The following PTN variants were observed in gnomAD, a reference collection of about 807,000 sequenced individuals.
The protein encoded by PTN is heparin affin regulatory protein.
PTN carries 18 observed loss-of-function variants against 24.1 expected under a neutral mutation model. That is an observed-to-expected ratio of 0.75 (90% CI 0.52 to 1.11). The LOEUF (loss-of-function observed/expected upper bound fraction) is 1.11, where lower values mean the gene tolerates loss of function less well. Among genes scored for constraint, PTN ranks in the 50% least tolerant of loss-of-function variants. The pLI is 0.00. For missense variants in PTN, 163 were observed against 198.8 expected (o/e 0.82, Z 1.08); for synonymous variants, 78 against 68.6 (o/e 1.14, Z -0.67).
At chr7:137,254,354 T>C (rs139251261) in intron 2 of PTN, among the ~76,000 whole-genome samples, 205 of 152,192 alleles carry the variant, frequency 1.3e-3, no homozygotes, top group African/African-American at 4.8e-3. Flanking sequence ...TAAGTTGTTG[T>C]TCCTTTCTCT....
chr7:137,293,109 A>G (rs368652308), intron 1 of PTN, among the ~76,000 whole-genome samples: 2 of 152,280 alleles, frequency 1.3e-5, no homozygotes, highest in East Asian at 3.9e-4. Flanking sequence ...GTAATAAGCC[A>G]CAAGGCTTTC....
intron 4 of PTN, among the ~76,000 whole-genome samples, chr7:137,247,560 A>T (rs1222366778): frequency 1.3e-5 from 2 of 152,168 alleles, no homozygotes; most frequent in East Asian, 1.9e-4. Flanking sequence ...GTACAAAAAA[A>T]TAGAAAGAAT....
chr7:137,228,829 A>G (rs1481462286), intron 4 of PTN, among the ~76,000 whole-genome samples: 4 of 151,840 alleles, frequency 2.6e-5, no homozygotes, highest in African/African-American at 9.7e-5. Context: ...GAACACATCT[A>G]ATTTGGCTCC....
chr7:137,272,737 T>C (rs999101570), intron 1 of PTN, among the ~76,000 whole-genome samples: 1 of 152,152 alleles, frequency 6.6e-6, no homozygotes, highest in African/African-American at 2.4e-5. Context: ...AAACTAGAAA[T>C]AAAATAATGT....
chr7:137,237,099 C>G (rs1339114671), intron 4 of PTN, among the ~76,000 whole-genome samples: 1 of 152,146 alleles, frequency 6.6e-6, no homozygotes, highest in African/African-American at 2.4e-5. Context: ...TCATACTGAA[C>G]TCCTAACCCT....
At chr7:137,231,334 G>T (rs546332408) in intron 4 of PTN, among the ~76,000 whole-genome samples, 1 of 151,156 alleles carries the variant, frequency 6.6e-6, no homozygotes, top group South Asian at 2.1e-4. Flanking sequence ...TTTCCTCTTG[G>T]CCTGAGTGTT....
Position 137,254,956 on chromosome 7 carries a change from G to A in PTN, c.18C>T (p.Tyr6=), listed in dbSNP as rs1234922476. 4 of 1,559,084 alleles carry A rather than the reference G, an allele frequency of 2.6e-6. No homozygotes were observed. The highest frequency in any genetic ancestry group is 3.4e-4 in the Middle Eastern group (2 of 5,810). Residue 6 remains tyrosine (Y), a synonymous_variant, in exon 2 of 5, where the codon TAC becomes TAT. Coordinates refer to ENST00000348225, the MANE Select transcript of PTN (RefSeq NM_002825.7). Reference sequence around the variant, plus strand: ...CTGCAAATTTTCGACGCTGCTGCTGGTACTGTTGAGCCTGCATTCTAGGAA... The same window carrying A: ...CTGCAAATTTTCGACGCTGCTGCTGATACTGTTGAGCCTGCATTCTAGGAA... MQAQQ[Y]QQQRRKFAAA...
intron 1 of PTN, among the ~76,000 whole-genome samples, chr7:137,301,887 T>C (rs1324359932): frequency 1.3e-5 from 2 of 151,990 alleles, no homozygotes; most frequent in Admixed American, 1.3e-4. Context: ...CGAACCTCTT[T>C]ACTCTTGTGT....
chr7:137,278,713 G>T (rs1563209915), intron 1 of PTN, among the ~76,000 whole-genome samples: 1 of 152,108 alleles, frequency 6.6e-6, no homozygotes, highest in South Asian at 2.1e-4. Flanking sequence ...GGCCAAAGCA[G>T]GTGGATCACT....
chr7:137,250,519 T>G (rs1585012284), intron 4 of PTN, among the ~76,000 whole-genome samples: 1 of 152,330 alleles, frequency 6.6e-6, no homozygotes, highest in African/African-American at 2.4e-5. Flanking sequence ...GGGTTAAAAC[T>G]TCAGCATATG....
At chr7:137,286,292 G>C (rs17169038) in intron 1 of PTN, among the ~76,000 whole-genome samples, 11,555 of 152,182 alleles carry the variant, frequency 0.076, 1,051 homozygotes, top group African/African-American at 0.22. Context: ...TACAAGGTTT[G>C]ATAGTTGGAA....
intron 1 of PTN, among the ~76,000 whole-genome samples, chr7:137,267,961 G>A (rs886191012): frequency 6.6e-6 from 1 of 151,072 alleles, no homozygotes; most frequent in African/African-American, 2.5e-5. Flanking sequence ...ATCCTGTCAA[G>A]CAATTCAAAC....
chr7:137,244,243 T>G (rs1330196004), intron 4 of PTN, among the ~76,000 whole-genome samples: 1 of 152,182 alleles, frequency 6.6e-6, no homozygotes. Context: ...AGAGTAATAC[T>G]GCCTCCATCT....
chr7:137,252,235 G>A (rs1352599680), intron 3 of PTN, among the ~76,000 whole-genome samples: 1 of 151,860 alleles, frequency 6.6e-6, no homozygotes, highest in Non-Finnish European at 1.5e-5. Context: ...TTTGATAGAT[G>A]TAGAGTGATA....
rs71176391 is a variant in PTN at position 137,278,306 on chromosome 7, CAAAAAAAAAAAAAAAA to C, written c.-1-23348_-1-23333del. ...TGGGCGACAGAGCGAGACTCCGTCT[CAAAAAAAAAAAAAAAA>C]AAAAAAAAAAAAAAAATGACTACTA... On this transcript the variant is annotated intron_variant, in intron 1 of 4. Transcript: ENST00000348225. Among the ~76,000 whole-genome samples, 496 of 62,870 alleles carry C rather than the reference CAAAAAAAAAAAAAAAA, an allele frequency of 7.9e-3. 6 individuals are homozygous for C. Among genetic ancestry groups the C allele is most frequent in the African/African-American group, 0.032 (463 of 14,442 alleles). 41.2% of individuals were successfully genotyped at this position (62,870 alleles called of 152,430 possible). A position where few individuals can be genotyped will look rare whatever the true frequency, so the allele number is the denominator to read the frequency against.
chr7:137,299,730 G>A (rs1040969409), intron 1 of PTN, among the ~76,000 whole-genome samples: 4 of 151,912 alleles, frequency 2.6e-5, no homozygotes, highest in Non-Finnish European at 5.9e-5. Flanking sequence ...TTGTGAAAGA[G>A]ACAAACATCT....
intron 1 of PTN, among the ~76,000 whole-genome samples, chr7:137,262,097 A>G (rs909060226): frequency 2.6e-5 from 4 of 152,288 alleles, no homozygotes; most frequent in African/African-American, 9.6e-5. Context: ...CCTTATAAAT[A>G]TAGTATTATT....
chr7:137,250,190 C>A (rs554886333), intron 4 of PTN, among the ~76,000 whole-genome samples: 1 of 152,214 alleles, frequency 6.6e-6, no homozygotes, highest in East Asian at 1.9e-4. Context: ...TTGGCTATAG[C>A]TCCTATAACA....
intron 4 of PTN, among the ~76,000 whole-genome samples, chr7:137,250,751 C>T (rs532642650): frequency 1.3e-5 from 2 of 152,190 alleles, no homozygotes; most frequent in South Asian, 4.1e-4. Flanking sequence ...AATATAAAGG[C>T]TCTGAAAACA....
Sources: allele counts gnomAD v4.1 joint callset (sites outside exome capture counted in the v4.1 genomes callset), GRCh38; gene constraint gnomAD v4.1.1; transcripts MANE v1.5; gene names NCBI Gene and HGNC (gene_info 2026-07-23, HGNC 2026-07-21).